Variants in LINC01488 observed in about 807,000 individuals in gnomAD.
The protein encoded by LINC01488 is long independently transcribed non-coding RNA 1488, also known as CCND1-upstream intergenic DNA repair 1.
intron 1 of LINC01488, among the ~76,000 whole-genome samples, chr11:69,489,608 G>A (rs1034514751): frequency 2.6e-5 from 4 of 152,254 alleles, no homozygotes; most frequent in Non-Finnish European, 5.9e-5. Context: ...TGCTGCAGGC[G>A]GGCTGCGGAC....
At chr11:69,484,004 C>T (rs948843293) in intron 1 of LINC01488, among the ~76,000 whole-genome samples, 12 of 152,234 alleles carry the variant, frequency 7.9e-5, no homozygotes, top group Non-Finnish European at 1.3e-4. Context: ...CCGACTCACT[C>T]CACGACCTCA....
intron 3 of LINC01488, chr11:69,492,000 G>A (rs1857230607): frequency 6.6e-6 from 1 of 152,518 alleles, no homozygotes; most frequent in Non-Finnish European, 1.5e-5. Flanking sequence ...AGGGAACTGG[G>A]AGGATGGGCA....
intron 1 of LINC01488, among the ~76,000 whole-genome samples, chr11:69,488,598 G>A (rs898216992): frequency 1.3e-5 from 2 of 152,234 alleles, no homozygotes; most frequent in Non-Finnish European, 2.9e-5. Context: ...GGACCGGCCC[G>A]GGGTGGGCCC....
exon 3 of LINC01488, chr11:69,491,408 A>T (rs1373528470): frequency 6.6e-6 from 1 of 152,312 alleles, no homozygotes; most frequent in Non-Finnish European, 1.5e-5. Context: ...CAGCATCCAC[A>T]CATCCTTGAC....
chr11:69,482,505 T>C (rs939735755), intron 1 of LINC01488, among the ~76,000 whole-genome samples: 1 of 151,330 alleles, frequency 6.6e-6, no homozygotes, highest in Non-Finnish European at 1.5e-5. Context: ...CATGAATGGA[T>C]GAGTGGATGG....
intron 1 of LINC01488, among the ~76,000 whole-genome samples, chr11:69,483,114 A>G (rs1352058270): frequency 6.6e-6 from 1 of 152,202 alleles, no homozygotes; most frequent in Non-Finnish European, 1.5e-5. Context: ...GGAAGGAGAG[A>G]GTGTGGGTAC....
chr11:69,484,320 G>T (rs78264987), intron 1 of LINC01488, among the ~76,000 whole-genome samples: 1 of 152,116 alleles, frequency 6.6e-6, no homozygotes, highest in Non-Finnish European at 1.5e-5. Flanking sequence ...GGACAGTCCC[G>T]GCATGAGTAC....
chr11:69,483,038 C>A (rs1185340589), intron 1 of LINC01488, among the ~76,000 whole-genome samples: 1 of 152,116 alleles, frequency 6.6e-6, no homozygotes, highest in African/African-American at 2.4e-5. Flanking sequence ...CTTCAACATA[C>A]GAATTGTGGG....
chr11:69,484,515 C>T (rs1165313233), intron 1 of LINC01488, among the ~76,000 whole-genome samples: 3 of 152,228 alleles, frequency 2.0e-5, no homozygotes, highest in Non-Finnish European at 2.9e-5. Flanking sequence ...CCCTGCCTCC[C>T]AAGGACACTT....
chr11:69,488,573 G>A (rs939247301), intron 1 of LINC01488, among the ~76,000 whole-genome samples: 15 of 152,244 alleles, frequency 9.9e-5, no homozygotes, highest in African/African-American at 3.6e-4. Flanking sequence ...GCCCTGCTGG[G>A]CAGGGGCAGT....
At chr11:69,489,935 G>A (rs2134975022) in intron 1 of LINC01488, among the ~76,000 whole-genome samples, 1 of 152,272 alleles carries the variant, frequency 6.6e-6, no homozygotes, top group African/African-American at 2.4e-5. Context: ...CAGGGGTGGG[G>A]GTGCCAATCC....
rs114826393 is a variant in LINC01488, at chr11:69,487,301, C to T, written n.123-3194C>T. 4.6e-3 allele frequency among the ~76,000 whole-genome samples: 694 copies of T among 152,198 alleles called. 7 individuals are homozygous for T. The highest frequency in any genetic ancestry group is 0.015 in the African/African-American group (635 of 41,546). On this transcript the variant is annotated intron_variant and non_coding_transcript_variant, in intron 1 of 3. Transcript: ENST00000644563. The stretch of plus-strand genomic sequence containing the variant: ...GGAGAGCCAGCTGGACAGGGTGGGA[C>T]GGCATGGGAAGGAGAGGGAGCCCCG...
chr11:69,486,411 G>A (rs1401976426), intron 1 of LINC01488, among the ~76,000 whole-genome samples: 1 of 152,210 alleles, frequency 6.6e-6, no homozygotes, highest in Non-Finnish European at 1.5e-5. Context: ...CTGCCCACTG[G>A]GGCCTCCAGG....
At chr11:69,487,747 C>T (rs1857148185) in intron 1 of LINC01488, among the ~76,000 whole-genome samples, 1 of 152,052 alleles carries the variant, frequency 6.6e-6, no homozygotes, top group African/African-American at 2.4e-5. Context: ...CCAGGTGGTG[C>T]TGTCTGAGGT....
intron 1 of LINC01488, among the ~76,000 whole-genome samples, chr11:69,482,342 G>A (rs1359732154): frequency 1.3e-5 from 2 of 152,064 alleles, no homozygotes; most frequent in African/African-American, 4.8e-5. Context: ...GACACATGGG[G>A]ATTATTACAA....
intron 1 of LINC01488, among the ~76,000 whole-genome samples, chr11:69,489,873 C>T (rs906755088): frequency 3.9e-5 from 6 of 152,274 alleles, no homozygotes; most frequent in Admixed American, 2.6e-4. Context: ...ACACTCTCAG[C>T]GGGTGAGGAG....
chr11:69,482,980 G>A (rs1031228815), intron 1 of LINC01488, among the ~76,000 whole-genome samples: 3 of 152,200 alleles, frequency 2.0e-5, no homozygotes, highest in Admixed American at 1.3e-4. Flanking sequence ...CATCTGTAAA[G>A]ATCCTGTATC....
At chr11:69,492,544 G>A (rs1356734701) in exon 4 of LINC01488, 2 of 152,262 alleles carry the variant, frequency 1.3e-5, no homozygotes, top group South Asian at 4.1e-4. Flanking sequence ...TGAGATGGAG[G>A]AGGACCTATG....
intron 1 of LINC01488, among the ~76,000 whole-genome samples, chr11:69,487,731 C>A (rs1857148064): frequency 6.6e-6 from 1 of 152,172 alleles, no homozygotes; most frequent in Non-Finnish European, 1.5e-5. Context: ...CGAGACACTC[C>A]TGAGTCCAGG....
Sources: gnomAD v4.1 joint callset for allele counts (sites outside exome capture counted in the v4.1 genomes callset) on GRCh38, gnomAD v4.1.1 for gene constraint, MANE v1.5 for transcripts, NCBI Gene and HGNC (gene_info 2026-07-23, HGNC 2026-07-21) for gene names.